ANK1: variants seen among roughly 807,000 people sequenced by gnomAD.
The protein encoded by ANK1 is ankyrin 1.
ANK1 carries 51 observed loss-of-function variants against 210.4 expected under a neutral mutation model. The observed-to-expected ratio is 0.24, with a 90% confidence interval of 0.19 to 0.31. ANK1 has a LOEUF of 0.31. Among genes scored for constraint, ANK1 ranks in the 10% least tolerant of loss-of-function variants. ANK1 has a pLI of 1.00. For synonymous variants in ANK1, 967 were observed against 1,025.9 expected (o/e 0.94, Z 1.10); for missense variants, 2,051 against 2,504.4 (o/e 0.82, Z 3.86).
intron 16 of ANK1, among the ~76,000 whole-genome samples, chr8:41,712,965 C>A (rs775308385): frequency 6.6e-6 from 1 of 152,176 alleles, no homozygotes; most frequent in African/African-American, 2.4e-5. Flanking sequence ...GGACTCACTG[C>A]AGCAGGGACA....
chr8:41,709,246 A>G (rs1433843581), intron 16 of ANK1, among the ~76,000 whole-genome samples: 2 of 152,232 alleles, frequency 1.3e-5, no homozygotes, highest in Non-Finnish European at 2.9e-5. Context: ...ACAGGAAGAG[A>G]ATAACAGGAA....
Position 41,690,468 on chromosome 8 carries a change from C to A in ANK1, c.3984+6G>T, listed in dbSNP as rs200402850. ...AGAGGAGAACTCAGCCAGAGGGTGC[C>A]GGCACCTTTACAGGCATGGCCAGAC... On this transcript the variant is annotated splice_donor_region_variant and intron_variant, in intron 32 of 42. Transcript: ENST00000289734. The A allele has an allele frequency of 1.9e-4, 307 of 1,614,096 alleles. No homozygotes were observed. Among genetic ancestry groups the A allele is most frequent in the Non-Finnish European group, 2.6e-4 (301 of 1,180,048 alleles).
At chr8:41,697,328 G>A (rs754660707) in intron 24 of ANK1, among the ~76,000 whole-genome samples, 1 of 152,166 alleles carries the variant, frequency 6.6e-6, no homozygotes, top group Admixed American at 6.5e-5. Flanking sequence ...CTACAGGGAT[G>A]CCAGGCTGCC....
At chr8:41,882,833 C>T (rs1034980895) in intron 1 of ANK1, among the ~76,000 whole-genome samples, 2 of 152,250 alleles carry the variant, frequency 1.3e-5, no homozygotes, top group Admixed American at 1.3e-4. Context: ...CTCCTACAAG[C>T]TCCACAGAGG....
At chr8:41,721,410 A>G (rs7816486) in intron 9 of ANK1, among the ~76,000 whole-genome samples, 17,634 of 152,102 alleles carry the variant, frequency 0.12, 1,217 homozygotes, top group South Asian at 0.18. Context: ...TAATTCCCGC[A>G]CTTTGGGAAG....
intron 2 of ANK1, among the ~76,000 whole-genome samples, chr8:41,749,451 C>T (rs1837116983): frequency 1.3e-5 from 2 of 152,040 alleles, no homozygotes; most frequent in Non-Finnish European, 2.9e-5. Flanking sequence ...GCACCCACCA[C>T]CATGCCCGAC....
At chr8:41,678,225 A>C (rs1341260471) in intron 37 of ANK1, among the ~76,000 whole-genome samples, 1 of 149,594 alleles carries the variant, frequency 6.7e-6, no homozygotes, top group Non-Finnish European at 1.5e-5. Context: ...TGCAACCTCC[A>C]CCTCCTGGGT....
At position 41,708,008 on chromosome 8, in the gene ANK1, C is replaced by A. The variant is rs1401745009; in HGVS notation, c.1998+770G>T. ...CTGAAAGATTTGCAGTTGTGAGGGA[C>A]CGGGGGCTCTGGGGGAAATGAGAAG... is the stretch of plus-strand genomic sequence containing the variant. On this transcript the variant is annotated intron_variant, in intron 17 of 42. Transcript: ENST00000289734. Among the ~76,000 whole-genome samples, 8 of 152,042 alleles carry A rather than the reference C, an allele frequency of 5.3e-5. No homozygotes were observed. In the East Asian group the frequency reaches 1.4e-3, roughly 26 times the overall value.
chr8:41,758,233 C>T, intron 1 of ANK1, 96 bp from the exon 2 acceptor site: 1 of 1,111,482 alleles, frequency 9.0e-7, no homozygotes, highest in Non-Finnish European at 1.4e-6. Flanking sequence ...CCCCTGCATC[C>T]TCTGATGTGG....
At chr8:41,739,610 T>C (rs558070501) in intron 2 of ANK1, among the ~76,000 whole-genome samples, 2 of 150,336 alleles carry the variant, frequency 1.3e-5, no homozygotes, top group South Asian at 2.1e-4. Flanking sequence ...AGGTAAATAG[T>C]ATTTACGGCT....
chr8:41,770,542 A>G (rs964948696), intron 1 of ANK1, among the ~76,000 whole-genome samples: 1 of 152,208 alleles, frequency 6.6e-6, no homozygotes, highest in East Asian at 1.9e-4. Flanking sequence ...TACAATCACA[A>G]ATTAAAAGAT....
chr8:41,833,040 C>A (rs907579274), intron 1 of ANK1, among the ~76,000 whole-genome samples: 3 of 152,212 alleles, frequency 2.0e-5, no homozygotes, highest in African/African-American at 7.2e-5. Context: ...ACAGCATGCC[C>A]TCTCCAACTC....
intron 39 of ANK1, 118 bp from the exon 40 acceptor site, chr8:41,663,860 C>A: frequency 1.2e-6 from 1 of 828,224 alleles, no homozygotes; most frequent in Non-Finnish European, 2.1e-6. Context: ...ATAACTCCCC[C>A]AGCAGGAAAC....
chr8:41,791,650 C>G (rs1313866783), intron 1 of ANK1, among the ~76,000 whole-genome samples: 2 of 152,270 alleles, frequency 1.3e-5, no homozygotes, highest in African/African-American at 2.4e-5. Flanking sequence ...CCAGGAGGGT[C>G]TTGATCTCTT....
chr8:41,785,194 C>CA (rs962987759), intron 1 of ANK1, among the ~76,000 whole-genome samples: 2 of 152,026 alleles, frequency 1.3e-5, no homozygotes, highest in Admixed American at 6.6e-5. Context: ...CTCTTCTCTA[C>CA]AAAAAATTTT....
intron 1 of ANK1, chr8:41,828,271 C>G (rs1018554944): frequency 2.0e-5 from 3 of 153,836 alleles, no homozygotes; most frequent in Admixed American, 1.3e-4. Flanking sequence ...CCGCTCCGCC[C>G]GTGCTGGGCT....
At chr8:41,827,728 A>G (rs1373668745) in intron 1 of ANK1, among the ~76,000 whole-genome samples, 1 of 87,948 alleles carries the variant, frequency 1.1e-5, no homozygotes, top group Non-Finnish European at 2.2e-5. Flanking sequence ...TCACACTCAC[A>G]CACATCCACA....
chr8:41,773,493 G>A (rs1300536190), intron 1 of ANK1, among the ~76,000 whole-genome samples: 3 of 152,150 alleles, frequency 2.0e-5, no homozygotes, highest in African/African-American at 7.2e-5. Flanking sequence ...GATATTGACT[G>A]TCCTTCCAAA....
At chr8:41,667,633 G>A (rs751024078) in intron 39 of ANK1, among the ~76,000 whole-genome samples, 13 of 152,094 alleles carry the variant, frequency 8.5e-5, no homozygotes, top group East Asian at 1.9e-4. Flanking sequence ...AAGGGAATCC[G>A]GGGAAGTGGA....
Sources: allele counts gnomAD v4.1 joint callset (sites outside exome capture counted in the v4.1 genomes callset), GRCh38; gene constraint gnomAD v4.1.1; transcripts MANE v1.5; gene names NCBI Gene and HGNC (gene_info 2026-07-23, HGNC 2026-07-21).